The following EVL variants were observed in gnomAD, a reference collection of about 807,000 sequenced individuals.
EVL encodes Enah/Vasp-like.
A neutral mutation model predicts 59.6 loss-of-function variants in EVL; 21 were observed. The ratio of observed to expected loss-of-function variants is 0.35; its 90% CI spans 0.25 to 0.51. The LOEUF (loss-of-function observed/expected upper bound fraction) is 0.51, where lower values mean the gene tolerates loss of function less well. EVL is among the 20% of genes least tolerant of loss of function. The pLI, the probability that EVL is intolerant of heterozygous loss-of-function variation, is 0.97. For synonymous variants in EVL, 198 were observed against 203.5 expected, an observed-to-expected ratio of 0.97 and a Z score of 0.23; for missense variants, 462 against 546.6, an observed-to-expected ratio of 0.85 and a Z score of 1.54.
intron 1 of EVL, chr14:100,066,302 G>A (rs1190957): frequency 0.77 from 117,357 of 152,154 alleles, 46,224 homozygotes; most frequent in Non-Finnish European, 0.85. Context: ...GAATCTTTTA[G>A]CCGTGTTAGA....
At chr14:100,099,472 C>T (rs572582332) in intron 3 of EVL, among the ~76,000 whole-genome samples, 3 of 152,202 alleles carry the variant, frequency 2.0e-5, no homozygotes, top group Admixed American at 1.3e-4. Context: ...ATGGGTCGTG[C>T]GTAGAGCAGG....
chr14:100,081,379 GT>G (rs1166696561), intron 1 of EVL, among the ~76,000 whole-genome samples: 1 of 152,094 alleles, frequency 6.6e-6, no homozygotes, highest in African/African-American at 2.4e-5. Flanking sequence ...GAATAAATGT[GT>G]GTATTTTCTT....
At chr14:100,064,214 C>T (rs944673787), upstream of EVL, among the ~76,000 whole-genome samples, 2 of 64,012 alleles carry the variant, frequency 3.1e-5, no homozygotes, top group Non-Finnish European at 9.1e-5. Context: ...CTGTTTTTCA[C>T]TATATCAATA....
intron 3 of EVL, among the ~76,000 whole-genome samples, chr14:100,105,269 A>G (rs934589902): frequency 2.0e-5 from 3 of 152,066 alleles, no homozygotes; most frequent in African/African-American, 7.2e-5. Flanking sequence ...GCGACACACC[A>G]CGGGGACTCA....
intron 1 of EVL, among the ~76,000 whole-genome samples, chr14:100,072,511 A>G (rs1289922721): frequency 1.3e-5 from 2 of 152,252 alleles, no homozygotes; most frequent in East Asian, 1.9e-4. Flanking sequence ...CTGGGATTAC[A>G]TGGGTAAGTT....
chr14:100,095,113 G>T (rs1885717321), intron 2 of EVL, among the ~76,000 whole-genome samples: 1 of 152,130 alleles, frequency 6.6e-6, no homozygotes, highest in African/African-American at 2.4e-5. Context: ...AAATCATAGG[G>T]TTCTAAATTT....
intron 1 of EVL, among the ~76,000 whole-genome samples, chr14:100,057,316 CG>C (rs149804708): frequency 1.3e-5 from 2 of 152,278 alleles, no homozygotes; most frequent in African/African-American, 4.8e-5. Context: ...ACCAAGTCCA[CG>C]GAAGTCTAAG....
intron 2 of EVL, among the ~76,000 whole-genome samples, chr14:100,091,760 G>T (rs1349453301): frequency 6.6e-6 from 1 of 152,176 alleles, no homozygotes; most frequent in Non-Finnish European, 1.5e-5. Flanking sequence ...ATAGCCCGTG[G>T]GTCGGAAGCA....
At chr14:99,977,438 G>T (rs1308832633) in intron 1 of EVL, 2 of 151,944 alleles carry the variant, frequency 1.3e-5, no homozygotes, top group Non-Finnish European at 2.9e-5. Context: ...TCACTCTGTT[G>T]CCTGGGCTGG....
chr14:99,976,274 T>C (rs1168937280), intron 1 of EVL, among the ~76,000 whole-genome samples: 1 of 152,002 alleles, frequency 6.6e-6, no homozygotes, highest in Non-Finnish European at 1.5e-5. Flanking sequence ...ACTCTTGGCC[T>C]CCAGTGATAC....
At chr14:100,123,648 G>C (rs1279393927) in intron 4 of EVL, 46 bp downstream of exon 4, 1 of 1,605,824 alleles carries the variant, frequency 6.2e-7, no homozygotes, top group Non-Finnish European at 8.5e-7. Flanking sequence ...TCCCAATCAG[G>C]CTGGGTGGCC....
At chr14:99,984,278 A>G (rs1250433459) in intron 1 of EVL, among the ~76,000 whole-genome samples, 1 of 152,044 alleles carries the variant, frequency 6.6e-6, no homozygotes, top group Non-Finnish European at 1.5e-5. Flanking sequence ...TGATGTGTGG[A>G]TGGGTATTTT....
Position 100,144,076 on chromosome 14 carries a change from T to G in EVL, c.*338T>G. The G allele has an allele frequency of 2.8e-6, 1 of 358,698 alleles. No individual in the cohort carries two copies. The allele number at this position is 358,698 out of a possible 1,614,324, so 22.2% of individuals were successfully genotyped here. A position where few individuals can be genotyped will look rare whatever the true frequency, so the allele number is the denominator to read the frequency against. ...CAGGTTTTCTCCCAGGTGACGCTGTTAGCGCCTCAGCTGGCGGTGACAGCC... is the reference window on the plus strand; with the variant it reads ...CAGGTTTTCTCCCAGGTGACGCTGTGAGCGCCTCAGCTGGCGGTGACAGCC... On this transcript the variant is annotated 3_prime_UTR_variant, in exon 14 of 14. Coordinates refer to ENST00000392920, the MANE Select transcript of EVL (RefSeq NM_016337.3).
At chr14:100,058,431 C>T (rs955739447) in intron 1 of EVL, among the ~76,000 whole-genome samples, 5 of 152,204 alleles carry the variant, frequency 3.3e-5, no homozygotes, top group African/African-American at 1.2e-4. Flanking sequence ...TCACCACTTA[C>T]ACTGTACCTA....
chr14:100,038,710 G>A (rs117680893), intron 1 of EVL, among the ~76,000 whole-genome samples: 4,350 of 151,326 alleles, frequency 0.029, 90 homozygotes, highest in Non-Finnish European at 0.042. Flanking sequence ...CCACAGCTTG[G>A]GTGGGTAGCT....
At chr14:100,050,073 A>G (rs1392579490) in intron 1 of EVL, among the ~76,000 whole-genome samples, 1 of 152,236 alleles carries the variant, frequency 6.6e-6, no homozygotes, top group Non-Finnish European at 1.5e-5. Flanking sequence ...CACAGATATA[A>G]AGGAAGCAAC....
intron 3 of EVL, among the ~76,000 whole-genome samples, chr14:100,120,817 A>T (rs541330297): frequency 6.6e-6 from 1 of 152,288 alleles, no homozygotes; most frequent in East Asian, 1.9e-4. Context: ...CACTTAGGCC[A>T]CACTGTCAGA....
intron 1 of EVL, among the ~76,000 whole-genome samples, chr14:100,034,245 A>G (rs1188184110): frequency 6.6e-6 from 1 of 151,682 alleles, no homozygotes; most frequent in Non-Finnish European, 1.5e-5. Context: ...AAAAAAAAAA[A>G]AAAAAGAAAA....
chr14:100,084,968 A>C, intron 2 of EVL, 113 bp downstream of exon 2: 2 of 1,180,414 alleles, frequency 1.7e-6, no homozygotes, highest in Non-Finnish European at 1.2e-6. Context: ...CAATATTCGG[A>C]ATCAGAGGAC....
Sources: allele counts gnomAD v4.1 joint callset (sites outside exome capture counted in the v4.1 genomes callset), GRCh38; gene constraint gnomAD v4.1.1; transcripts MANE v1.5; gene names NCBI Gene and HGNC (gene_info 2026-07-23, HGNC 2026-07-21).